Variants in HIBADH observed in about 807,000 individuals in gnomAD.
HIBADH encodes 3-hydroxyisobutyrate dehydrogenase, mitochondrial.
Under a neutral mutation model 36.1 loss-of-function variants are expected in HIBADH, and 25 were observed. The ratio of observed to expected loss-of-function variants is 0.69; its 90% confidence interval spans 0.50 to 0.97. The LOEUF (loss-of-function observed/expected upper bound fraction) is 0.97. Ranked by LOEUF, HIBADH falls within the 50% of genes least tolerant of loss-of-function variation. The probability of loss-of-function intolerance (pLI) is 0.00; values close to 1 mark genes in which losing one functional copy is unlikely to be tolerated. For synonymous variants in HIBADH, 160 were observed against 149.5 expected (o/e 1.07, Z -0.51); for missense variants, 421 against 418.0 (o/e 1.01, Z -0.06).
intron 6 of HIBADH, among the ~76,000 whole-genome samples, chr7:27,533,854 G>A (rs1198935189): frequency 6.6e-6 from 1 of 152,152 alleles, no homozygotes; most frequent in Non-Finnish European, 1.5e-5. Context: ...TAAATTGGCT[G>A]GGAACATATG....
At chr7:27,599,297 T>C (rs866960165) in intron 4 of HIBADH, among the ~76,000 whole-genome samples, 2 of 152,200 alleles carry the variant, frequency 1.3e-5, no homozygotes, top group African/African-American at 4.8e-5. Flanking sequence ...GGAATTTCTA[T>C]AGAAAATGCA....
intron 4 of HIBADH, among the ~76,000 whole-genome samples, chr7:27,570,482 G>A (rs961766135): frequency 3.3e-5 from 5 of 152,156 alleles, no homozygotes; most frequent in African/African-American, 1.2e-4. Flanking sequence ...TATTCTAGAA[G>A]AGGCAAAACT....
At chr7:27,604,753 G>A (rs62456951) in intron 4 of HIBADH, among the ~76,000 whole-genome samples, 31,176 of 151,938 alleles carry the variant, frequency 0.21, 4,192 homozygotes, top group East Asian at 0.53. Flanking sequence ...ATACTGAAGG[G>A]TGCATATATT....
chr7:27,584,949 A>C lies in HIBADH; in HGVS notation c.485-41849T>G, dbSNP rs186736351. Among the ~76,000 whole-genome samples the C allele has an allele frequency of 7.7e-3, 1,172 of 152,108 alleles. 8 individuals carry two copies. Among genetic ancestry groups the C allele is most frequent in the Middle Eastern group, 0.017 (5 of 294 alleles). ...CCTCCTAGGGATCCATGGAGGGTACACTGAGAACCAATGTTCTTAACAATG... is the reference window on the plus strand; with the variant it reads ...CCTCCTAGGGATCCATGGAGGGTACCCTGAGAACCAATGTTCTTAACAATG... On this transcript the variant is annotated intron_variant, in intron 4 of 7. Transcript: ENST00000265395.
At chr7:27,585,451 A>G (rs948121907) in intron 4 of HIBADH, among the ~76,000 whole-genome samples, 3 of 152,250 alleles carry the variant, frequency 2.0e-5, no homozygotes, top group South Asian at 2.1e-4. Flanking sequence ...GTTAAACATA[A>G]TAACTTTTCA....
intron 4 of HIBADH, among the ~76,000 whole-genome samples, chr7:27,544,546 G>A (rs188310853): frequency 4.6e-5 from 7 of 152,222 alleles, no homozygotes; most frequent in African/African-American, 1.7e-4. Context: ...TGTTTTGTTA[G>A]TTTCTAGTTT....
intron 4 of HIBADH, among the ~76,000 whole-genome samples, chr7:27,555,963 A>G (rs1324762812): frequency 6.6e-6 from 1 of 152,202 alleles, no homozygotes; most frequent in Non-Finnish European, 1.5e-5. Context: ...TTCAAGGGGC[A>G]TACTAAATAA....
At chr7:27,555,446 G>A (rs1278734574) in intron 4 of HIBADH, among the ~76,000 whole-genome samples, 9 of 151,102 alleles carry the variant, frequency 6.0e-5, no homozygotes, top group African/African-American at 2.2e-4. Flanking sequence ...TGAGTACAAA[G>A]ACAAGACTCA....
At chr7:27,632,053 G>T (rs1785755017) in intron 3 of HIBADH, among the ~76,000 whole-genome samples, 1 of 152,122 alleles carries the variant, frequency 6.6e-6, no homozygotes. Context: ...TCAAATGTAA[G>T]CTTTAAAAGT....
chr7:27,548,910 T>C (rs1401687446), intron 4 of HIBADH, among the ~76,000 whole-genome samples: 1 of 152,196 alleles, frequency 6.6e-6, no homozygotes, highest in East Asian at 1.9e-4. Flanking sequence ...AAAAACAAGA[T>C]ATTGTTCTTG....
intron 4 of HIBADH, among the ~76,000 whole-genome samples, chr7:27,567,646 T>TGTGC (rs1784566581): frequency 6.6e-6 from 1 of 152,174 alleles, no homozygotes; most frequent in Non-Finnish European, 1.5e-5. Context: ...AGGGTGTGTG[T>TGTGC]GTGCGTGCGT....
intron 4 of HIBADH, among the ~76,000 whole-genome samples, chr7:27,586,358 C>A: frequency 8.6e-6 from 1 of 116,476 alleles, no homozygotes; most frequent in Non-Finnish European, 1.6e-5. Flanking sequence ...GAAAGAGAGA[C>A]AGGGAGAGAG....
intron 4 of HIBADH, among the ~76,000 whole-genome samples, chr7:27,611,214 T>C (rs1785314644): frequency 1.3e-5 from 2 of 152,218 alleles, no homozygotes; most frequent in Non-Finnish European, 2.9e-5. Flanking sequence ...CGTGCCAACA[T>C]GCAGTGCCTG....
At chr7:27,553,766 GTTAAC>G (rs1240447034) in intron 4 of HIBADH, among the ~76,000 whole-genome samples, 4 of 151,544 alleles carry the variant, frequency 2.6e-5, no homozygotes, top group African/African-American at 9.7e-5. Flanking sequence ...CACAAAGACA[GTTAAC>G]TTAATGCCCC....
At chr7:27,610,372 C>T (rs190329423) in intron 4 of HIBADH, among the ~76,000 whole-genome samples, 36 of 152,202 alleles carry the variant, frequency 2.4e-4, no homozygotes, top group Admixed American at 2.4e-3. Flanking sequence ...TTTCCTCATG[C>T]CCCAAATGTG....
At chr7:27,577,345 T>A (rs1302138218) in intron 4 of HIBADH, among the ~76,000 whole-genome samples, 2 of 152,054 alleles carry the variant, frequency 1.3e-5, no homozygotes, top group African/African-American at 4.8e-5. Context: ...TTATTTTTAG[T>A]GGAGATGGGG....
At chr7:27,561,783 AT>A (rs1300378247) in intron 4 of HIBADH, among the ~76,000 whole-genome samples, 2 of 152,154 alleles carry the variant, frequency 1.3e-5, no homozygotes, top group Admixed American at 1.3e-4. Context: ...TTCTGAGGTT[AT>A]TAGGTACAAT....
chr7:27,595,368 A>C (rs914800634), intron 4 of HIBADH, among the ~76,000 whole-genome samples: 1 of 152,080 alleles, frequency 6.6e-6, no homozygotes, highest in Non-Finnish European at 1.5e-5. Flanking sequence ...AAGTACAAAA[A>C]TTAGCCAGGC....
At chr7:27,595,579 GGTGTGTGTGTGTGTGTGT>G (rs3219776) in intron 4 of HIBADH, among the ~76,000 whole-genome samples, 27 of 143,432 alleles carry the variant, frequency 1.9e-4, no homozygotes, top group Admixed American at 3.5e-4. Context: ...CATAAGGGCA[GGTGTGTGTGTGTGTGTGT>G]GTGTGTGTGT....
Sources: allele counts gnomAD v4.1 joint callset (sites outside exome capture counted in the v4.1 genomes callset), GRCh38; gene constraint gnomAD v4.1.1; transcripts MANE v1.5; gene names NCBI Gene and HGNC (gene_info 2026-07-23, HGNC 2026-07-21).